ZMIZ1: variants seen among roughly 807,000 people sequenced by gnomAD.
ZMIZ1 encodes zinc finger MIZ-type containing 1.
ZMIZ1 carries 17 observed loss-of-function variants against 113.9 expected under a neutral mutation model. That is an observed-to-expected ratio of 0.15 (90% CI 0.10 to 0.22). The LOEUF is 0.22. ZMIZ1 is among the 10% of genes least tolerant of loss of function. The pLI is 1.00. For synonymous variants in ZMIZ1, 607 were observed against 603.1 expected, an observed-to-expected ratio of 1.01 and a Z score of -0.09; for missense variants, 1,059 against 1,477.8, an observed-to-expected ratio of 0.72 and a Z score of 4.65.
intron 2 of ZMIZ1, among the ~76,000 whole-genome samples, chr10:79,132,981 C>A (rs1390880438): frequency 6.6e-6 from 1 of 152,028 alleles, no homozygotes; most frequent in Non-Finnish European, 1.5e-5. Context: ...GGCCCCCTCG[C>A]AGGCTCTGGG....
chr10:79,230,188 A>C (rs1251984497), intron 7 of ZMIZ1, among the ~76,000 whole-genome samples: 115 of 108,046 alleles, frequency 1.1e-3, no homozygotes, highest in South Asian at 1.5e-3. Flanking sequence ...CCTCTCTTTC[A>C]CTCTCCCCGT....
At chr10:79,078,930 A>G (rs1842570293) in intron 1 of ZMIZ1, among the ~76,000 whole-genome samples, 1 of 152,108 alleles carries the variant, frequency 6.6e-6, no homozygotes, top group Non-Finnish European at 1.5e-5. Flanking sequence ...AGTCCCTTTC[A>G]GCTCAGGCAT....
intron 3 of ZMIZ1, among the ~76,000 whole-genome samples, chr10:79,149,935 C>T (rs1168975029): frequency 2.0e-5 from 3 of 152,332 alleles, no homozygotes; most frequent in Middle Eastern, 3.4e-3. Context: ...GGAAAATGAA[C>T]GGTGGGAGGC....
chr10:79,313,659 ACT>A lies in ZMIZ1; in HGVS notation c.*915_*916del, dbSNP rs553025929. 211 of 252,270 alleles carry A rather than the reference ACT, an allele frequency of 8.4e-4. No individual in the cohort carries two copies. The highest frequency in any genetic ancestry group is 4.5e-3 in the African/African-American group (201 of 44,224). The allele number at this position is 252,270 out of a possible 1,614,324, so 15.6% of individuals were successfully genotyped here. On this transcript the variant is annotated 3_prime_UTR_variant, in exon 25 of 25. Transcript: ENST00000334512. ...GCAACTTCTAACTTTGCTCCAAGCC[ACT>A]CTCTTTTTAAACAGCAACAATTTAA...
intron 7 of ZMIZ1, among the ~76,000 whole-genome samples, chr10:79,236,985 C>T (rs1327268452): frequency 2.6e-5 from 4 of 152,250 alleles, no homozygotes; most frequent in Admixed American, 2.0e-4. Flanking sequence ...AAAGCCACGT[C>T]AGGAGACTCA....
chr10:79,108,863 C>T (rs1302879237), intron 1 of ZMIZ1, among the ~76,000 whole-genome samples: 1 of 151,904 alleles, frequency 6.6e-6, no homozygotes, highest in African/African-American at 2.4e-5. Context: ...CCCTGCCTGG[C>T]TCCTGGGGCT....
rs551551558 is a variant in ZMIZ1 at position 79,108,751 on chromosome 10, C to T, written c.-336-10164C>T. On this transcript the variant is annotated intron_variant, in intron 1 of 24. Coordinates refer to ENST00000334512, the MANE Select transcript of ZMIZ1 (RefSeq NM_020338.4). ...GGGACAGTGATATAAATGCTTACAG[C>T]AGGCAGCATCCTGATTTATGGGGCT... Among the ~76,000 whole-genome samples the T allele has an allele frequency of 4.6e-5, 7 of 152,276 alleles. No homozygotes were observed. In the South Asian group the frequency reaches 1.5e-3, roughly 32 times the overall value.
intron 7 of ZMIZ1, among the ~76,000 whole-genome samples, chr10:79,221,944 T>C (rs902605488): frequency 4.6e-5 from 7 of 152,210 alleles, no homozygotes; most frequent in African/African-American, 7.2e-5. Flanking sequence ...CCTCATGCTA[T>C]TGGCAAAGTC....
chr10:79,266,353 G>T (rs1196572774), intron 7 of ZMIZ1, among the ~76,000 whole-genome samples: 2 of 152,206 alleles, frequency 1.3e-5, no homozygotes, highest in Non-Finnish European at 2.9e-5. Flanking sequence ...CCGTTGTCCT[G>T]TGGAGTGACT....
intron 4 of ZMIZ1, among the ~76,000 whole-genome samples, chr10:79,181,674 G>A (rs61853196): frequency 1.3e-5 from 2 of 152,178 alleles, no homozygotes; most frequent in Non-Finnish European, 2.9e-5. Flanking sequence ...ACACCCCTTT[G>A]TGACCCCCTC....
chr10:79,206,842 A>G (rs749551365), intron 5 of ZMIZ1, among the ~76,000 whole-genome samples: 21 of 152,134 alleles, frequency 1.4e-4, no homozygotes, highest in Admixed American at 1.1e-3. Flanking sequence ...TTTCTCTCCT[A>G]CATCTCTTTC....
intron 7 of ZMIZ1, among the ~76,000 whole-genome samples, chr10:79,221,021 C>T (rs1848943912): frequency 6.6e-6 from 1 of 152,112 alleles, no homozygotes; most frequent in Non-Finnish European, 1.5e-5. Flanking sequence ...GGTGTTTGTG[C>T]ATGGCTGTGT....
chr10:79,200,803 G>A (rs1848044417), intron 4 of ZMIZ1, among the ~76,000 whole-genome samples: 1 of 134,238 alleles, frequency 7.4e-6, no homozygotes, highest in Non-Finnish European at 1.7e-5. Context: ...CTGGGGGAGG[G>A]CAGATGCCAC....
At chr10:79,273,702 C>A (rs1187387077) in intron 7 of ZMIZ1, among the ~76,000 whole-genome samples, 1 of 152,246 alleles carries the variant, frequency 6.6e-6, no homozygotes, top group South Asian at 2.1e-4. Context: ...CCCATGTTGA[C>A]ACCCCAGATT....
intron 1 of ZMIZ1, among the ~76,000 whole-genome samples, chr10:79,072,899 T>C (rs944219056): frequency 6.6e-6 from 1 of 152,184 alleles, no homozygotes; most frequent in South Asian, 2.1e-4. Flanking sequence ...CTCATGCCCT[T>C]TGGGGGAGTG....
chr10:79,117,188 C>T (rs1564660170), intron 1 of ZMIZ1, among the ~76,000 whole-genome samples: 1 of 152,270 alleles, frequency 6.6e-6, no homozygotes, highest in Admixed American at 6.5e-5. Flanking sequence ...GAGGCCTAGT[C>T]TCTATAACTC....
chr10:79,286,245 G>A (rs575252539), intron 8 of ZMIZ1, among the ~76,000 whole-genome samples: 12 of 152,282 alleles, frequency 7.9e-5, no homozygotes, highest in African/African-American at 2.9e-4. Flanking sequence ...GCCAGGCCAT[G>A]CCTTTCTGGT....
chr10:79,078,588 T>G (rs1465372210), intron 1 of ZMIZ1, among the ~76,000 whole-genome samples: 1 of 148,314 alleles, frequency 6.7e-6, no homozygotes, highest in African/African-American at 2.5e-5. Context: ...TTTTTTTTTT[T>G]TTTTGGAGTG....
intron 4 of ZMIZ1, among the ~76,000 whole-genome samples, chr10:79,180,985 G>A (rs991369905): frequency 3.9e-5 from 6 of 152,218 alleles, no homozygotes; most frequent in Non-Finnish European, 1.5e-5. Flanking sequence ...TTTTTCTGAT[G>A]GGGAAACAGA....
Sources: gnomAD v4.1 joint callset for allele counts (sites outside exome capture counted in the v4.1 genomes callset) on GRCh38, gnomAD v4.1.1 for gene constraint, MANE v1.5 for transcripts, NCBI Gene and HGNC (gene_info 2026-07-23, HGNC 2026-07-21) for gene names.